Variants in CCSER2 observed in about 807,000 individuals in gnomAD.
CCSER2 encodes serine-rich coiled-coil domain-containing protein 2.
CCSER2 carries 46 observed loss-of-function variants against 92.3 expected under a neutral mutation model. The observed-to-expected ratio is 0.50, with a 90% CI of 0.39 to 0.64. The LOEUF is 0.64. Ranked by LOEUF, CCSER2 falls within the 30% of genes least tolerant of loss-of-function variation. The pLI is 0.00. For synonymous variants in CCSER2, 433 were observed against 431.4 expected, an observed-to-expected ratio of 1.00 and a Z score of -0.04; for missense variants, 1,244 against 1,238.9, an observed-to-expected ratio of 1.00 and a Z score of -0.06.
At chr10:84,386,676 C>A (rs771121124) in intron 3 of CCSER2, among the ~76,000 whole-genome samples, 1 of 152,144 alleles carries the variant, frequency 6.6e-6, no homozygotes, top group Non-Finnish European at 1.5e-5. Context: ...GGCTGCGGTG[C>A]GCTGAGATTA....
intron 7 of CCSER2, among the ~76,000 whole-genome samples, chr10:84,468,238 T>A (rs1328276058): frequency 6.6e-6 from 1 of 152,206 alleles, no homozygotes; most frequent in Non-Finnish European, 1.5e-5. Flanking sequence ...CACTCCTCTA[T>A]CTTCTGAATC....
At chr10:84,480,635 A>G (rs1440175795) in intron 9 of CCSER2, among the ~76,000 whole-genome samples, 2 of 152,212 alleles carry the variant, frequency 1.3e-5, no homozygotes, top group African/African-American at 4.8e-5. Context: ...TTTTATTGAG[A>G]GATAACGATA....
chr10:84,493,110 GT>G (rs1352816886), intron 9 of CCSER2, among the ~76,000 whole-genome samples: 1 of 152,082 alleles, frequency 6.6e-6, no homozygotes, highest in East Asian at 1.9e-4. Flanking sequence ...TTTTTTGGGA[GT>G]TTTAAAGTTA....
chr10:84,512,610 G>C (rs1849422524), intron 9 of CCSER2, among the ~76,000 whole-genome samples: 1 of 152,142 alleles, frequency 6.6e-6, no homozygotes, highest in South Asian at 2.1e-4. Context: ...ATGAGCTTCA[G>C]GGAAGTACAT....
chr10:84,490,620 T>C (rs1319596184), intron 9 of CCSER2, among the ~76,000 whole-genome samples: 1 of 152,216 alleles, frequency 6.6e-6, no homozygotes, highest in Non-Finnish European at 1.5e-5. Flanking sequence ...TCTACACTGG[T>C]TCTTCTAGTT....
chr10:84,334,283 T>C (rs1271317469), intron 1 of CCSER2, among the ~76,000 whole-genome samples: 2 of 152,256 alleles, frequency 1.3e-5, no homozygotes, highest in East Asian at 1.9e-4. Context: ...ATCTGATGGC[T>C]TTCTGCCTCT....
At chr10:84,348,550 C>T (rs774435463) in intron 1 of CCSER2, among the ~76,000 whole-genome samples, 1 of 152,130 alleles carries the variant, frequency 6.6e-6, no homozygotes, top group Non-Finnish European at 1.5e-5. Flanking sequence ...ATCCTCACTT[C>T]TTATGCCATT....
rs1187224509 is a variant in CCSER2, at chr10:84,514,943, T to G, written c.*676T>G. ...ATCAGTTATATATTCCTTTACATCT[T>G]GTTTTACAAACACATGTGCATGCAC... On this transcript the variant is annotated 3_prime_UTR_variant, in exon 10 of 10. Coordinates refer to ENST00000372088, the MANE Select transcript of CCSER2 (RefSeq NM_001284240.2). The G allele has an allele frequency of 6.5e-6, 1 of 152,706 alleles. No homozygotes were observed. The highest frequency in any genetic ancestry group is 2.4e-5 in the African/African-American group (1 of 41,468). 9.5% of individuals were successfully genotyped at this position (152,706 alleles called of 1,614,324 possible). A position where few individuals can be genotyped will look rare whatever the true frequency, so the allele number is the denominator to read the frequency against.
In CCSER2 at chr10:84,371,943, T is replaced by G. The variant is rs976208006; in HGVS notation, c.891T>G (p.Gly297=). ...GYGFNRPYAA[G]GKKLALPNGP... ...GATTTAATAGGCCTTATGCTGCTGG[T>G]GGAAAGAAGTTGGCTTTACCAAATG... The change falls in exon 2 of 10, where the codon GGT becomes GGG. Residue 297 remains glycine, a synonymous_variant. Coordinates refer to ENST00000372088, the MANE Select transcript of CCSER2 (RefSeq NM_001284240.2). The G allele has an allele frequency of 5.6e-6, 9 of 1,613,800 alleles. No homozygotes were observed. Among genetic ancestry groups the G allele is most frequent in the Non-Finnish European group, 7.6e-6 (9 of 1,179,834 alleles).
At chr10:84,495,800 C>T (rs1374822636) in intron 9 of CCSER2, among the ~76,000 whole-genome samples, 5 of 143,222 alleles carry the variant, frequency 3.5e-5, no homozygotes, top group Admixed American at 1.4e-4. Flanking sequence ...CGTGGTATAT[C>T]GTTTTCATCT....
intron 3 of CCSER2, among the ~76,000 whole-genome samples, chr10:84,395,593 T>C (rs545081174): frequency 6.6e-6 from 1 of 152,232 alleles, no homozygotes; most frequent in Non-Finnish European, 1.5e-5. Flanking sequence ...TTCCTGGTCC[T>C]GGGAGTCAGG....
chr10:84,475,761 C>T (rs1054242445), intron 8 of CCSER2, among the ~76,000 whole-genome samples: 1 of 152,096 alleles, frequency 6.6e-6, no homozygotes, highest in Non-Finnish European at 1.5e-5. Context: ...CTCATATACC[C>T]CTCATATATG....
intron 9 of CCSER2, among the ~76,000 whole-genome samples, chr10:84,490,682 C>T (rs866052359): frequency 2.6e-5 from 4 of 152,268 alleles, no homozygotes; most frequent in East Asian, 1.9e-4. Flanking sequence ...GCATGGGGTT[C>T]GAACTTCCTC....
At chr10:84,444,227 A>G (rs1844769058) in intron 6 of CCSER2, among the ~76,000 whole-genome samples, 1 of 152,208 alleles carries the variant, frequency 6.6e-6, no homozygotes, top group Admixed American at 6.5e-5. Flanking sequence ...CTTGTGTGCC[A>G]TAAAGGTAGC....
intron 9 of CCSER2, among the ~76,000 whole-genome samples, chr10:84,506,632 A>G (rs1261433750): frequency 1.3e-5 from 2 of 151,672 alleles, no homozygotes; most frequent in East Asian, 3.9e-4. Flanking sequence ...TCTCTACTAA[A>G]AATACAAAAA....
chr10:84,467,466 G>C (rs949614707), intron 7 of CCSER2, among the ~76,000 whole-genome samples: 11 of 152,006 alleles, frequency 7.2e-5, no homozygotes, highest in Non-Finnish European at 1.6e-4. Flanking sequence ...CCACATATGT[G>C]TGTGTATGTG....
At chr10:84,432,467 A>G (rs1477407115) in intron 5 of CCSER2, among the ~76,000 whole-genome samples, 2 of 152,112 alleles carry the variant, frequency 1.3e-5, no homozygotes, top group Non-Finnish European at 2.9e-5. Flanking sequence ...TGTGAGTACA[A>G]TGTTTAGCTC....
intron 3 of CCSER2, among the ~76,000 whole-genome samples, chr10:84,384,365 CAA>C (rs1393683803): frequency 1.3e-5 from 2 of 152,098 alleles, no homozygotes; most frequent in African/African-American, 4.8e-5. Flanking sequence ...AACACACATG[CAA>C]AAGTCTTCAA....
At chr10:84,387,538 T>A (rs1056110027) in intron 3 of CCSER2, among the ~76,000 whole-genome samples, 3 of 152,178 alleles carry the variant, frequency 2.0e-5, no homozygotes, top group African/African-American at 7.2e-5. Flanking sequence ...TTTTAATTTT[T>A]TTTTTTTTGA....
Sources: gnomAD v4.1 joint callset for allele counts (sites outside exome capture counted in the v4.1 genomes callset) on GRCh38, gnomAD v4.1.1 for gene constraint, MANE v1.5 for transcripts, NCBI Gene and HGNC (gene_info 2026-07-23, HGNC 2026-07-21) for gene names.